Variants in CNTN1 observed in about 807,000 individuals in gnomAD.
The protein encoded by CNTN1 is contactin 1.
A neutral mutation model predicts 126.4 loss-of-function variants in CNTN1; 38 were observed. The ratio of observed to expected loss-of-function variants is 0.30; its 90% CI spans 0.23 to 0.39. The LOEUF is 0.39. CNTN1 is among the 10% of genes least tolerant of loss of function. The pLI, the probability that CNTN1 is intolerant of heterozygous loss-of-function variation, is 1.00. For synonymous variants in CNTN1, 413 were observed against 422.6 expected, an observed-to-expected ratio of 0.98 and a Z score of 0.28; for missense variants, 1,009 against 1,248.4, an observed-to-expected ratio of 0.81 and a Z score of 2.89.
rs115351305 is a variant in CNTN1 at position 40,888,732 on chromosome 12, T to C, written c.-76-19625T>C. ...TTGGTAGGAAAGACAGCAAGGTGTT[T>C]ACTGGGCCTGATAGAGAGACTACGG... On this transcript the variant is annotated intron_variant, in intron 1 of 23. Coordinates refer to ENST00000551295, the MANE Select transcript of CNTN1 (RefSeq NM_001843.4). Among the ~76,000 whole-genome samples the C allele has an allele frequency of 8.9e-3, 1,358 of 152,350 alleles. 17 individuals are homozygous for C. The highest frequency in any genetic ancestry group is 0.031 in the African/African-American group (1,284 of 41,580).
intron 1 of CNTN1, among the ~76,000 whole-genome samples, chr12:40,737,300 T>TGTGG (rs1283815292): frequency 6.8e-6 from 1 of 147,768 alleles, no homozygotes; most frequent in Non-Finnish European, 1.5e-5. Flanking sequence ...TGTGTGTGTG[T>TGTGG]GTGTGTATAT....
chr12:41,014,086 G>T, intron 17 of CNTN1, 142 bp from the exon 18 acceptor site: 1 of 713,210 alleles, frequency 1.4e-6, no homozygotes, highest in Non-Finnish European at 2.4e-6. Context: ...TTATAATTGA[G>T]TGGATCATTT....
intron 17 of CNTN1, among the ~76,000 whole-genome samples, chr12:40,995,347 T>A (rs1311553999): frequency 1.3e-5 from 2 of 152,014 alleles, no homozygotes; most frequent in African/African-American, 4.8e-5. Context: ...CTCTACACCA[T>A]CTAAAACACT....
intron 6 of CNTN1, among the ~76,000 whole-genome samples, chr12:40,929,224 C>T (rs1326701896): frequency 1.3e-5 from 2 of 151,814 alleles, no homozygotes; most frequent in Non-Finnish European, 2.9e-5. Flanking sequence ...TATGATACAT[C>T]TCCTAATATT....
intron 1 of CNTN1, among the ~76,000 whole-genome samples, chr12:40,712,891 A>AT (rs1364939590): frequency 1.3e-5 from 2 of 151,922 alleles, no homozygotes; most frequent in African/African-American, 4.8e-5. Flanking sequence ...ATCAGGGAGG[A>AT]TCCCTCATGA....
intron 20 of CNTN1, among the ~76,000 whole-genome samples, chr12:41,022,472 T>C (rs976425522): frequency 6.6e-5 from 10 of 152,222 alleles, no homozygotes; most frequent in Admixed American, 2.6e-4. Context: ...TTGAGTTTCC[T>C]CACCTATAAA....
intron 1 of CNTN1, among the ~76,000 whole-genome samples, chr12:40,763,399 A>G (rs183544591): frequency 6.6e-6 from 1 of 152,348 alleles, no homozygotes; most frequent in East Asian, 1.9e-4. Context: ...GGAGATCTGA[A>G]GGTTAAGTAA....
chr12:40,894,047 C>T (rs1224739521), intron 1 of CNTN1, among the ~76,000 whole-genome samples: 1 of 152,114 alleles, frequency 6.6e-6, no homozygotes, highest in Non-Finnish European at 1.5e-5. Flanking sequence ...CCTCCCTTTT[C>T]CTCATTGTCT....
intron 1 of CNTN1, among the ~76,000 whole-genome samples, chr12:40,792,088 A>T (rs1016037860): frequency 6.6e-6 from 1 of 152,134 alleles, no homozygotes; most frequent in African/African-American, 2.4e-5. Flanking sequence ...AAAAAAATTA[A>T]TATTAGGGTT....
intron 1 of CNTN1, among the ~76,000 whole-genome samples, chr12:40,838,728 G>A (rs1942164331): frequency 6.6e-6 from 1 of 152,094 alleles, no homozygotes; most frequent in South Asian, 2.1e-4. Context: ...CAAAGTCAAA[G>A]TACCCTACCC....
chr12:40,987,639 C>A (rs1479900519), intron 16 of CNTN1, among the ~76,000 whole-genome samples: 1 of 152,108 alleles, frequency 6.6e-6, no homozygotes, highest in Non-Finnish European at 1.5e-5. Flanking sequence ...ATTTAAATTT[C>A]TGTGTTATGT....
intron 1 of CNTN1, among the ~76,000 whole-genome samples, chr12:40,774,786 C>T (rs1939512708): frequency 1.3e-5 from 2 of 150,076 alleles, no homozygotes; most frequent in South Asian, 2.1e-4. Context: ...TATTACCTTT[C>T]TCTAGTTTTT....
intron 1 of CNTN1, among the ~76,000 whole-genome samples, chr12:40,733,851 T>C (rs565255022): frequency 2.0e-4 from 31 of 152,172 alleles, no homozygotes; most frequent in Admixed American, 5.2e-4. Context: ...CTTGATTTGA[T>C]TGCAGCTCCA....
At chr12:40,997,380 T>C (rs1267050129) in intron 17 of CNTN1, among the ~76,000 whole-genome samples, 3 of 152,238 alleles carry the variant, frequency 2.0e-5, no homozygotes, top group Non-Finnish European at 4.4e-5. Context: ...AACACTTTCA[T>C]ATTATGTATA....
intron 1 of CNTN1, among the ~76,000 whole-genome samples, chr12:40,830,390 T>C (rs1362699002): frequency 6.6e-6 from 1 of 151,400 alleles, no homozygotes; most frequent in African/African-American, 2.4e-5. Context: ...TCGTATTAGA[T>C]ATAATTGGAA....
chr12:40,744,412 C>CATTT (rs1167094331), intron 1 of CNTN1, among the ~76,000 whole-genome samples: 4 of 151,914 alleles, frequency 2.6e-5, no homozygotes, highest in Non-Finnish European at 5.9e-5. Flanking sequence ...GAATAGCCTG[C>CATTT]ATTTGGGAAC....
intron 5 of CNTN1, among the ~76,000 whole-genome samples, chr12:40,924,065 T>C (rs1449660278): frequency 6.6e-6 from 1 of 152,096 alleles, no homozygotes; most frequent in African/African-American, 2.4e-5. Context: ...GAGCAAGAGA[T>C]TGGTTACTTT....
intron 1 of CNTN1, among the ~76,000 whole-genome samples, chr12:40,780,841 T>G (rs552061678): frequency 6.6e-6 from 1 of 151,476 alleles, no homozygotes; most frequent in African/African-American, 2.4e-5. Context: ...GAAGGTATGA[T>G]GTGGCTCCTG....
intron 1 of CNTN1, among the ~76,000 whole-genome samples, chr12:40,865,914 T>C (rs1053284123): frequency 1.3e-5 from 2 of 152,032 alleles, no homozygotes; most frequent in African/African-American, 4.8e-5. Flanking sequence ...CTTGGGAATA[T>C]TGACATGTAA....
Sources: gnomAD v4.1 joint callset for allele counts (sites outside exome capture counted in the v4.1 genomes callset) on GRCh38, gnomAD v4.1.1 for gene constraint, MANE v1.5 for transcripts, NCBI Gene and HGNC (gene_info 2026-07-23, HGNC 2026-07-21) for gene names.